INTS13: variants seen among roughly 807,000 people sequenced by gnomAD.
The protein encoded by INTS13 is integrator complex subunit 13, also known as asunder, spermatogenesis regulator homolog (Drosphila).
A neutral mutation model predicts 90.2 loss-of-function variants in INTS13; 35 were observed. The observed-to-expected ratio is 0.39, with a 90% CI of 0.30 to 0.51. INTS13 has a LOEUF of 0.51. Ranked by LOEUF, INTS13 falls within the 20% of genes least tolerant of loss-of-function variation. The pLI, the probability that INTS13 is intolerant of heterozygous loss-of-function variation, is 0.80. For missense variants in INTS13, 601 were observed against 851.2 expected, an observed-to-expected ratio of 0.71 and a Z score of 3.66; for synonymous variants, 309 against 277.1, an observed-to-expected ratio of 1.11 and a Z score of -1.14.
chr12:26,911,576 T>G (rs1035111186), intron 14 of INTS13, among the ~76,000 whole-genome samples: 6 of 152,152 alleles, frequency 3.9e-5, no homozygotes, highest in Non-Finnish European at 8.8e-5. Flanking sequence ...AGAAGATACT[T>G]AAATTAAAAT....
chr12:26,909,472 CTTTTTTTTTTTT>C (rs756908915), intron 15 of INTS13, among the ~76,000 whole-genome samples: 2 of 127,066 alleles, frequency 1.6e-5, no homozygotes, highest in Middle Eastern at 4.1e-3. Context: ...AGATAATACT[CTTTTTTTTTTTT>C]TTTTTTTTTA....
Position 26,905,240 on chromosome 12 carries a change from T to A in INTS13, c.*257A>T, listed in dbSNP as rs189310329. ...GCAAAGAGAAGCCTAAGAATTTTTTTAAAAACATTTCCAGAGAGAACACTT... is the reference window on the plus strand; with the variant it reads ...GCAAAGAGAAGCCTAAGAATTTTTTAAAAAACATTTCCAGAGAGAACACTT... On this transcript the variant is annotated 3_prime_UTR_variant, in exon 17 of 17. Transcript: ENST00000261191. The A allele has an allele frequency of 5.9e-3, 2,011 of 338,516 alleles. 31 individuals carry two copies. Among genetic ancestry groups the A allele is most frequent in the African/African-American group, 0.039 (1,812 of 46,978 alleles). 21.0% of individuals were successfully genotyped at this position (338,516 alleles called of 1,614,324 possible). A position where few individuals can be genotyped will look rare whatever the true frequency, so the allele number is the denominator to read the frequency against.
At position 26,919,944 on chromosome 12, in the gene INTS13, C is replaced by G. The variant is rs552931192; in HGVS notation, c.890-2211G>C. 3.9e-5 allele frequency among the ~76,000 whole-genome samples: 6 copies of G among 152,140 alleles called. No individual in the cohort carries two copies. The East Asian group carries it at 9.7e-4, about 25-fold the overall frequency. On this transcript the variant is annotated intron_variant, in intron 8 of 16. Coordinates refer to ENST00000261191, the MANE Select transcript of INTS13 (RefSeq NM_018164.3). ...GAGATCAAGACCATCCTGGCTAACACGGTGAAACCCCGTCTCTATTAAAAA... is the reference window on the plus strand; with the variant it reads ...GAGATCAAGACCATCCTGGCTAACAGGGTGAAACCCCGTCTCTATTAAAAA...
intron 8 of INTS13, among the ~76,000 whole-genome samples, chr12:26,922,329 A>C (rs1937633111): frequency 6.6e-6 from 1 of 152,242 alleles, no homozygotes; most frequent in Non-Finnish European, 1.5e-5. Context: ...AGGGAGAGAG[A>C]CCAAGAGACT....
At chr12:26,935,667 A>G (rs922842439) in intron 2 of INTS13, among the ~76,000 whole-genome samples, 1 of 152,364 alleles carries the variant, frequency 6.6e-6, no homozygotes, top group Admixed American at 6.5e-5. Flanking sequence ...GCTCCAAATC[A>G]GTTACATTCC....
Position 26,914,515 on chromosome 12 carries a change from C to T in INTS13, c.1312G>A (p.Asp438Asn), listed in dbSNP as rs903228594. 1.6e-5 allele frequency: 26 copies of T among 1,613,714 alleles called. No homozygotes were observed. Among genetic ancestry groups the T allele is most frequent in the Admixed American group, 3.3e-5 (2 of 60,000 alleles). ...TCCAAAGGGACCTCAAGACTTCCATCGATTTTATATCTGGGGTCTAGAAAA... is the reference window on the plus strand; with the variant it reads ...TCCAAAGGGACCTCAAGACTTCCATTGATTTTATATCTGGGGTCTAGAAAA... ...TPFLDPRYKI[D>N]GSLEVPLERA... The change falls in exon 12 of 17, where the codon GAT becomes AAT. Residue 438 changes from aspartate to asparagine, a missense_variant. Physicochemically the swap from Asp to Asn is conservative, Grantham distance 23 (BLOSUM62 1). Transcript: ENST00000261191.
intron 15 of INTS13, 88 bp downstream of exon 15, chr12:26,911,090 C>T: frequency 2.8e-6 from 4 of 1,422,052 alleles, no homozygotes; most frequent in East Asian, 4.9e-5. Context: ...TTGCCTCAGC[C>T]TCCCAAAGTG....
At chr12:26,916,968 G>A (rs1471115571) in intron 10 of INTS13, among the ~76,000 whole-genome samples, 1 of 151,796 alleles carries the variant, frequency 6.6e-6, no homozygotes, top group Non-Finnish European at 1.5e-5. Flanking sequence ...CAAGATAAAT[G>A]GTCTATATTA....
At chr12:26,933,829 T>C (rs1369254595) in intron 3 of INTS13, among the ~76,000 whole-genome samples, 1 of 151,648 alleles carries the variant, frequency 6.6e-6, no homozygotes, top group Non-Finnish European at 1.5e-5. Context: ...AAAGCAGCAA[T>C]GGATATTATG....
At position 26,917,780 on chromosome 12, in the gene INTS13, A is replaced by G. The variant is rs769433935; in HGVS notation, c.890-47T>C. The G allele has an allele frequency of 3.6e-5, 48 of 1,328,338 alleles. 1 individual carries two copies. The South Asian group carries it at 5.7e-4, about 16-fold the overall frequency. 82.3% of individuals were successfully genotyped at this position (1,328,338 alleles called of 1,614,324 possible). A position where few individuals can be genotyped will look rare whatever the true frequency, so the allele number is the denominator to read the frequency against. On this transcript the variant is annotated intron_variant, in intron 8 of 16. Coordinates refer to ENST00000261191, the MANE Select transcript of INTS13 (RefSeq NM_018164.3). Reference sequence around the variant, plus strand: ...ATTACACATTGTATACATGTATCAAAACATCACACTGTATCCCATAAATAT... The same window carrying G: ...ATTACACATTGTATACATGTATCAAGACATCACACTGTATCCCATAAATAT...
In INTS13 at chr12:26,914,518, T is replaced by C; in HGVS notation, c.1309A>G (p.Ile437Val). The C allele has an allele frequency of 2.5e-6, 4 of 1,613,844 alleles. No homozygotes were observed. The South Asian group carries it at 4.4e-5, about 18-fold the overall frequency. Reference sequence around the variant, plus strand: ...AAAGGGACCTCAAGACTTCCATCGATTTTATATCTGGGGTCTAGAAAAGGA... The same window carrying C: ...AAAGGGACCTCAAGACTTCCATCGACTTTATATCTGGGGTCTAGAAAAGGA... ...LTPFLDPRYK[I>V]DGSLEVPLER... The change falls in exon 12 of 17, where the codon ATC becomes GTC. Residue 437 changes from isoleucine to valine, a missense_variant. By Grantham distance (29) the Ile-to-Val change is conservative. This residue lies in a region of INTS13 where 89 missense variants were observed against 191.0 expected (regional missense o/e 0.47). Coordinates refer to ENST00000261191, the MANE Select transcript of INTS13 (RefSeq NM_018164.3).
intron 16 of INTS13, among the ~76,000 whole-genome samples, 163 bp from the exon 17 acceptor site, chr12:26,905,699 C>A (rs938708590): frequency 1.3e-5 from 2 of 152,152 alleles, no homozygotes; most frequent in African/African-American, 4.8e-5. Flanking sequence ...AGGCCAATTT[C>A]TTCATTTTAC....
intron 2 of INTS13, among the ~76,000 whole-genome samples, chr12:26,934,847 G>A (rs1429092362): frequency 2.6e-5 from 4 of 152,206 alleles, no homozygotes; most frequent in Admixed American, 6.5e-5. Context: ...TCACAATGTG[G>A]GGAAAGTCAG....
intron 3 of INTS13, among the ~76,000 whole-genome samples, chr12:26,933,870 A>G (rs1399796512): frequency 6.6e-6 from 1 of 152,232 alleles, no homozygotes; most frequent in Non-Finnish European, 1.5e-5. Flanking sequence ...GAGAAAAAGG[A>G]GATAATAAAT....
At chr12:26,926,273 C>T (rs772318218) in intron 5 of INTS13, among the ~76,000 whole-genome samples, 52 of 152,072 alleles carry the variant, frequency 3.4e-4, no homozygotes, top group Non-Finnish European at 4.4e-5. Flanking sequence ...CTAAAAATTT[C>T]CCCCAACTTT....
intron 14 of INTS13, among the ~76,000 whole-genome samples, chr12:26,911,944 A>T (rs1017861047): frequency 2.0e-5 from 3 of 152,218 alleles, no homozygotes; most frequent in African/African-American, 7.2e-5. Context: ...AGAGAATAAA[A>T]GTATTCTATT....
chr12:26,929,406 T>G (rs964236656), intron 3 of INTS13, among the ~76,000 whole-genome samples: 1 of 151,754 alleles, frequency 6.6e-6, no homozygotes, highest in African/African-American at 2.4e-5. Context: ...CTAGCCAAGG[T>G]GATAGGAAAG....
intron 2 of INTS13, among the ~76,000 whole-genome samples, chr12:26,936,293 T>G (rs1340757736): frequency 1.3e-5 from 2 of 152,246 alleles, no homozygotes; most frequent in Non-Finnish European, 2.9e-5. Flanking sequence ...CTTCAATAAC[T>G]ACAGTTCCTA....
intron 5 of INTS13, 53 bp downstream of exon 5, chr12:26,928,151 TA>T (rs1937986887): frequency 2.4e-6 from 3 of 1,274,542 alleles, no homozygotes; most frequent in East Asian, 4.8e-5. Flanking sequence ...GAAATAATTA[TA>T]ACATATATCT....
Sources: gnomAD v4.1 joint callset for allele counts (sites outside exome capture counted in the v4.1 genomes callset) on GRCh38, gnomAD v4.1.1 for gene constraint, gnomAD v4.1.1 regional missense constraint, MANE v1.5 for transcripts, NCBI Gene and HGNC (gene_info 2026-07-23, HGNC 2026-07-21) for gene names.